BRD10: variants seen among roughly 807,000 people sequenced by gnomAD.
BRD10 encodes bromodomain containing 10.
chr9:5,939,283 T>C, the BRD10 span, among the ~76,000 whole-genome samples: 5 of 152,300 alleles, frequency 3.3e-5, 1 homozygote, highest in South Asian at 1.0e-3. Flanking sequence ...TAACATTATA[T>C]GTAGTTTTAT....
At chr9:5,954,326 G>A in the BRD10 span, among the ~76,000 whole-genome samples, 14 of 152,256 alleles carry the variant, frequency 9.2e-5, no homozygotes, top group Non-Finnish European at 1.6e-4. Flanking sequence ...TGAACTGAAC[G>A]ATTACCATCT....
the BRD10 span, chr9:5,968,997 G>C: frequency 6.2e-7 from 1 of 1,609,566 alleles, no homozygotes; most frequent in Non-Finnish European, 8.5e-7. Context: ...TCTTCCAATG[G>C]ATTAACTTCT....
At chr9:5,904,505 CT>C in the BRD10 span, among the ~76,000 whole-genome samples, 1 of 152,212 alleles carries the variant, frequency 6.6e-6, no homozygotes, top group Non-Finnish European at 1.5e-5. Flanking sequence ...ATCTCACTCA[CT>C]CTGTCGCCCA....
the BRD10 span, among the ~76,000 whole-genome samples, chr9:5,941,320 GCTAA>G: frequency 1.3e-5 from 2 of 152,028 alleles, no homozygotes; most frequent in East Asian, 3.8e-4. Context: ...AATTTTATCT[GCTAA>G]CTAAAACCAC....
chr9:6,000,303 A>G, the BRD10 span, among the ~76,000 whole-genome samples: 5 of 152,164 alleles, frequency 3.3e-5, no homozygotes, highest in Non-Finnish European at 5.9e-5. Flanking sequence ...GCCTTTCCCA[A>G]TTAAAAAGAA....
At chr9:5,945,390 G>C in the BRD10 span, among the ~76,000 whole-genome samples, 3 of 152,040 alleles carry the variant, frequency 2.0e-5, no homozygotes, top group African/African-American at 7.2e-5. Context: ...CTTTGCCTTG[G>C]TTTGCTAACT....
chr9:5,999,033 T>C, the BRD10 span, among the ~76,000 whole-genome samples: 4 of 152,060 alleles, frequency 2.6e-5, no homozygotes, highest in Admixed American at 6.6e-5. Flanking sequence ...TTTGTGTCTA[T>C]AAAAACTAAG....
At chr9:5,941,012 A>AT in the BRD10 span, among the ~76,000 whole-genome samples, 25 of 152,120 alleles carry the variant, frequency 1.6e-4, no homozygotes, top group African/African-American at 5.8e-4. Flanking sequence ...CTCATACCCA[A>AT]TCTCTACAAG....
chr9:5,921,890 A>C, the BRD10 span: 3 of 1,613,956 alleles, frequency 1.9e-6, no homozygotes, highest in African/African-American at 4.0e-5. Flanking sequence ...TGTAAGTTTG[A>C]GATTTTTCCC....
the BRD10 span, among the ~76,000 whole-genome samples, chr9:5,934,855 T>C: frequency 6.6e-6 from 1 of 152,158 alleles, no homozygotes; most frequent in Non-Finnish European, 1.5e-5. Flanking sequence ...AAACAGTATA[T>C]AATAAACTGT....
the BRD10 span, among the ~76,000 whole-genome samples, chr9:5,954,464 T>C: frequency 6.6e-6 from 1 of 152,228 alleles, no homozygotes; most frequent in South Asian, 2.1e-4. Flanking sequence ...ACCTTTAACA[T>C]TGACTTCGCA....
At chr9:5,958,970 TAACAA>T in the BRD10 span, among the ~76,000 whole-genome samples, 1 of 152,198 alleles carries the variant, frequency 6.6e-6, no homozygotes, top group Admixed American at 6.5e-5. Context: ...AATTTGACCT[TAACAA>T]AACAGTTTAT....
chr9:5,925,286 G>C, the BRD10 span, among the ~76,000 whole-genome samples: 1 of 151,398 alleles, frequency 6.6e-6, no homozygotes, highest in Non-Finnish European at 1.5e-5. Context: ...TTGAACCCAG[G>C]AGGTGGAGGT....
At chr9:5,939,009 A>G in the BRD10 span, among the ~76,000 whole-genome samples, 1 of 152,318 alleles carries the variant, frequency 6.6e-6, no homozygotes, top group African/African-American at 2.4e-5. Flanking sequence ...ATAAAATAAT[A>G]TTAAAAATAT....
the BRD10 span, among the ~76,000 whole-genome samples, chr9:5,942,809 G>A: frequency 6.6e-6 from 1 of 152,148 alleles, no homozygotes; most frequent in Non-Finnish European, 1.5e-5. Context: ...CTAAACCCTA[G>A]GGTAATCTAA....
the BRD10 span, among the ~76,000 whole-genome samples, chr9:5,901,178 TA>T: frequency 6.6e-6 from 1 of 152,196 alleles, no homozygotes; most frequent in Non-Finnish European, 1.5e-5. Context: ...AGGGCAGTTT[TA>T]TTTTTTTTTC....
the BRD10 span, chr9:5,909,350 C>G: frequency 6.6e-6 from 1 of 152,492 alleles, no homozygotes. Flanking sequence ...CCTCCGCCTC[C>G]CAGGTTCAAG....
At chr9:5,969,366 G>C in the BRD10 span, 3 of 1,610,068 alleles carry the variant, frequency 1.9e-6, no homozygotes, top group Non-Finnish European at 2.5e-6. Flanking sequence ...TGAGCTAGAA[G>C]TTTTCTTTCC....
At chr9:5,896,589 C>T in the BRD10 span, among the ~76,000 whole-genome samples, 2 of 152,340 alleles carry the variant, frequency 1.3e-5, no homozygotes, top group East Asian at 3.9e-4. Flanking sequence ...GTAAGTCACT[C>T]AGCTCTGCAG....
Sources: gnomAD v4.1 joint callset for allele counts (sites outside exome capture counted in the v4.1 genomes callset) on GRCh38, gnomAD v4.1.1 for gene constraint, MANE v1.5 for transcripts, NCBI Gene and HGNC (gene_info 2026-07-23, HGNC 2026-07-21) for gene names.